ABTB2: variants seen among roughly 807,000 people sequenced by gnomAD.
ABTB2 encodes ankyrin repeat and BTB domain containing 2.
ABTB2 carries 56 observed loss-of-function variants against 104.1 expected under a neutral mutation model. The ratio of observed to expected loss-of-function variants is 0.54; its 90% CI spans 0.43 to 0.67. The LOEUF is 0.67. ABTB2 is among the 30% of genes least tolerant of loss of function. The pLI is 0.00. For missense variants in ABTB2, 1,279 were observed against 1,407.7 expected (o/e 0.91, Z 1.46); for synonymous variants, 606 against 608.2 (o/e 1.00, Z 0.05).
At chr11:34,203,998 T>C (rs191955708) in intron 2 of ABTB2, among the ~76,000 whole-genome samples, 1 of 152,300 alleles carries the variant, frequency 6.6e-6, no homozygotes, top group Admixed American at 6.5e-5. Flanking sequence ...TGGAAGCAGC[T>C]GTCAATGGTA....
chr11:34,225,532 G>C (rs1470526850), intron 1 of ABTB2, among the ~76,000 whole-genome samples: 1 of 152,042 alleles, frequency 6.6e-6, no homozygotes, highest in Non-Finnish European at 1.5e-5. Context: ...GAGGTGGGCA[G>C]ATCAACTGAG....
intron 1 of ABTB2, among the ~76,000 whole-genome samples, chr11:34,315,821 C>T (rs1446944744): frequency 6.6e-6 from 1 of 152,220 alleles, no homozygotes; most frequent in African/African-American, 2.4e-5. Flanking sequence ...ATGGCAGGCT[C>T]TCAGTGCTTC....
chr11:34,172,626 G>A (rs1050264764), intron 4 of ABTB2, among the ~76,000 whole-genome samples: 20 of 152,070 alleles, frequency 1.3e-4, no homozygotes, highest in South Asian at 4.1e-4. Context: ...TCAAATCTGG[G>A]CACGGTAAAG....
At chr11:34,230,110 A>G (rs1853748977) in intron 1 of ABTB2, among the ~76,000 whole-genome samples, 1 of 152,170 alleles carries the variant, frequency 6.6e-6, no homozygotes, top group South Asian at 2.1e-4. Flanking sequence ...TGTAGGTGGG[A>G]GGTGGCACAC....
In ABTB2 at chr11:34,154,529, G is replaced by A. The variant is rs987026120; in HGVS notation, c.2767-151C>T. 2.2e-5 allele frequency: 19 copies of A among 857,622 alleles called. No homozygotes were observed. Among genetic ancestry groups the A allele is most frequent in the Admixed American group, 4.3e-5 (2 of 46,756 alleles). 53.1% of individuals were successfully genotyped at this position (857,622 alleles called of 1,614,324 possible). On this transcript the variant is annotated intron_variant, in intron 15 of 16. Coordinates refer to ENST00000435224, the MANE Select transcript of ABTB2 (RefSeq NM_145804.3). This position sits in a 1 kb window ranked among gnomAD's most constrained non-coding sequence, Gnocchi z 4.9. ...GATACTCCTGGGCCTAACCATCCCC[G>A]CTGGGACACGCACTGAGGCTGGGCT...
intron 1 of ABTB2, among the ~76,000 whole-genome samples, chr11:34,233,345 T>TA (rs1242718804): frequency 6.6e-6 from 1 of 151,246 alleles, no homozygotes; most frequent in African/African-American, 2.4e-5. Context: ...TTTTTTTTTT[T>TA]TGAGACAGAG....
Position 34,154,219 on chromosome 11 carries a change from C to T in ABTB2, c.2880+46G>A. 4.7e-6 allele frequency: 7 copies of T among 1,475,574 alleles called. No individual in the cohort carries two copies. Among genetic ancestry groups the T allele is most frequent in the Non-Finnish European group, 6.6e-6 (7 of 1,057,120 alleles). 91.4% of individuals were successfully genotyped at this position (1,475,574 alleles called of 1,614,324 possible). On this transcript the variant is annotated intron_variant, in intron 16 of 16. Coordinates refer to ENST00000435224, the MANE Select transcript of ABTB2 (RefSeq NM_145804.3). This position sits in a 1 kb window ranked among gnomAD's most constrained non-coding sequence, Gnocchi z 4.9. ...CCACACGGCCGAGGCCCCCGTGGAG[C>T]AGAGCATGTGGTGGGAGGTGGCCAG...
chr11:34,169,650 C>T lies in ABTB2; in HGVS notation c.1563+1256G>A, dbSNP rs912333631. On this transcript the variant is annotated intron_variant, in intron 5 of 16. Transcript: ENST00000435224. ...CACAAAGCCCGGGAACCTGTGTGGA[C>T]GGAGAGGCCCCCACGAGATCCCACA... Among the ~76,000 whole-genome samples the T allele has an allele frequency of 6.6e-5, 10 of 152,142 alleles. 1 individual carries two copies. The highest frequency in any genetic ancestry group is 4.6e-4 in the Admixed American group (7 of 15,284).
chr11:34,244,806 G>A lies in ABTB2; in HGVS notation c.884-40116C>T, dbSNP rs1191361836. 2.6e-5 allele frequency among the ~76,000 whole-genome samples: 4 copies of A among 152,122 alleles called. 1 individual carries two copies. Among genetic ancestry groups the A allele is most frequent in the South Asian group, 4.1e-4 (2 of 4,830 alleles). The stretch of plus-strand genomic sequence containing the variant: ...GTGGATCACTTGAGCCCAGGAGTTC[G>A]AGACCAGCTTGGGTTACATGGCAAA... On this transcript the variant is annotated intron_variant, in intron 1 of 16. Coordinates refer to ENST00000435224, the MANE Select transcript of ABTB2 (RefSeq NM_145804.3).
At chr11:34,296,438 T>C (rs1764590052) in intron 1 of ABTB2, among the ~76,000 whole-genome samples, 1 of 152,094 alleles carries the variant, frequency 6.6e-6, no homozygotes, top group African/African-American at 2.4e-5. Flanking sequence ...AAAGGAAGTT[T>C]AATAAGATAA....
intron 3 of ABTB2, among the ~76,000 whole-genome samples, chr11:34,180,596 A>G (rs1478706353): frequency 6.6e-6 from 1 of 152,240 alleles, no homozygotes; most frequent in African/African-American, 2.4e-5. Context: ...AAATAGACCA[A>G]TGGAAATGGG....
chr11:34,347,599 C>G (rs1030184843), intron 1 of ABTB2, among the ~76,000 whole-genome samples: 19 of 152,034 alleles, frequency 1.2e-4, no homozygotes, highest in Non-Finnish European at 2.4e-4. Context: ...GGAAAAAGAC[C>G]GACACCTGAG....
intron 2 of ABTB2, among the ~76,000 whole-genome samples, chr11:34,203,691 A>G (rs1486051887): frequency 2.0e-5 from 3 of 152,222 alleles, no homozygotes; most frequent in Non-Finnish European, 4.4e-5. Context: ...GAGGGGGCAG[A>G]AGAATGCAGG....
intron 1 of ABTB2, among the ~76,000 whole-genome samples, chr11:34,222,657 G>A (rs1853639108): frequency 6.6e-6 from 1 of 152,216 alleles, no homozygotes; most frequent in Admixed American, 6.5e-5. Flanking sequence ...CAGTGCCTGT[G>A]GATAACAGAC....
intron 1 of ABTB2, among the ~76,000 whole-genome samples, chr11:34,288,831 C>T (rs1854534406): frequency 6.6e-6 from 1 of 152,170 alleles, no homozygotes; most frequent in Non-Finnish European, 1.5e-5. Context: ...ATGGCCCTGA[C>T]ACGAAGCATA....
chr11:34,272,670 G>A (rs1302716493), intron 1 of ABTB2, among the ~76,000 whole-genome samples: 3 of 126,316 alleles, frequency 2.4e-5, no homozygotes, highest in Admixed American at 1.0e-4. Context: ...CCACACCACT[G>A]CACTCCAGCC....
chr11:34,345,486 A>C (rs10836190), intron 1 of ABTB2, among the ~76,000 whole-genome samples: 23,430 of 152,008 alleles, frequency 0.15, 3,156 homozygotes, highest in East Asian at 0.35. Context: ...AACGGATGTA[A>C]CCCAAACAGA....
At chr11:34,214,344 T>A (rs11604651) in intron 1 of ABTB2, among the ~76,000 whole-genome samples, 28,392 of 151,966 alleles carry the variant, frequency 0.19, 2,761 homozygotes, top group East Asian at 0.26. Flanking sequence ...TGAATATGGC[T>A]TACTGGCATA....
intron 1 of ABTB2, among the ~76,000 whole-genome samples, chr11:34,267,140 G>A (rs968793230): frequency 6.6e-6 from 1 of 152,164 alleles, no homozygotes; most frequent in African/African-American, 2.4e-5. Context: ...AGACGTGCAC[G>A]TCGGATGCTG....
Sources: allele counts gnomAD v4.1 joint callset (sites outside exome capture counted in the v4.1 genomes callset), GRCh38; gene constraint gnomAD v4.1.1; non-coding constraint Gnocchi (gnomAD v3.1); transcripts MANE v1.5; gene names NCBI Gene and HGNC (gene_info 2026-07-23, HGNC 2026-07-21).